ARHGAP17: variants seen among roughly 807,000 people sequenced by gnomAD.
The protein encoded by ARHGAP17 is rho GTPase-activating protein 17.
In ARHGAP17, 57 loss-of-function variants were observed where a neutral mutation model predicts 99.5. The ratio of observed to expected loss-of-function variants is 0.57; its 90% confidence interval spans 0.46 to 0.71. The LOEUF is 0.71. Among genes scored for constraint, ARHGAP17 ranks in the 30% least tolerant of loss-of-function variants. The probability of loss-of-function intolerance (pLI) is 0.00; values close to 1 mark genes in which losing one functional copy is unlikely to be tolerated. For synonymous variants in ARHGAP17, 417 were observed against 429.6 expected (o/e 0.97, Z 0.36); for missense variants, 1,000 against 1,122.4 (o/e 0.89, Z 1.56).
chr16:25,011,385 C>T (rs1039106625), intron 1 of ARHGAP17, among the ~76,000 whole-genome samples: 1 of 152,150 alleles, frequency 6.6e-6, no homozygotes, highest in African/African-American at 2.4e-5. Context: ...GTGGAAGTCT[C>T]CCAGTGGACA....
Position 24,931,336 on chromosome 16 carries a change from T to C in ARHGAP17, c.1963A>G (p.Ser655Gly). Reference sequence around the variant, plus strand: ...GGATGCTGAGATGTTCCTGAAGAACTCTGGCCCCCGGGGTGGCCAGGAGGT... The same window carrying C: ...GGATGCTGAGATGTTCCTGAAGAACCCTGGCCCCCGGGGTGGCCAGGAGGT... ...NPPPGHPGGQ[S>G]SSGTSQHPPS... Residue 655 changes from serine (S) to glycine (G), a missense_variant, in exon 19 of 20, where the codon AGT becomes GGT. Around this residue, in one of 2 missense-constraint regions of ARHGAP17, gnomAD observed 528 missense variants for 511.4 expected, o/e 1.03. Transcript: ENST00000289968. 2.0e-6 allele frequency: 3 copies of C among 1,511,236 alleles called. No homozygotes were observed. In the South Asian group the frequency reaches 4.0e-5, roughly 20 times the overall value. The allele number at this position is 1,511,236 out of a possible 1,614,324, so 93.6% of individuals were successfully genotyped here.
intron 1 of ARHGAP17, among the ~76,000 whole-genome samples, chr16:24,982,982 ATATATATATATATATTTTTT>A (rs1163584995): frequency 2.1e-3 from 67 of 32,662 alleles, no homozygotes; most frequent in African/African-American, 6.9e-3. Context: ...ATATATATAT[ATATATATATATATATTTTTT>A]TTTTTTTTTT....
intron 6 of ARHGAP17, among the ~76,000 whole-genome samples, chr16:24,966,179 C>T (rs865787585): frequency 1.3e-5 from 2 of 152,210 alleles, no homozygotes; most frequent in Admixed American, 6.5e-5. Context: ...GGGTGGCCTG[C>T]ACTCTCAGCT....
chr16:24,940,004 A>G (rs1002464689), intron 16 of ARHGAP17: 11 of 201,316 alleles, frequency 5.5e-5, no homozygotes, highest in African/African-American at 1.9e-4. Context: ...CTACAGTGCC[A>G]AACTCCTGGG....
chr16:24,974,797 T>G (rs1015774095), intron 3 of ARHGAP17, among the ~76,000 whole-genome samples: 42 of 152,228 alleles, frequency 2.8e-4, no homozygotes, highest in Admixed American at 3.9e-4. Context: ...TTTAAAATAT[T>G]CACAGAGAGA....
At chr16:24,946,343 T>C (rs965262991) in intron 14 of ARHGAP17, among the ~76,000 whole-genome samples, 2 of 151,794 alleles carry the variant, frequency 1.3e-5, no homozygotes, top group Admixed American at 6.6e-5. Context: ...GACATGCCCA[T>C]AAACGATGGA....
chr16:24,971,882 A>T (rs1597432536), intron 3 of ARHGAP17, among the ~76,000 whole-genome samples: 1 of 152,230 alleles, frequency 6.6e-6, no homozygotes, highest in East Asian at 1.9e-4. Context: ...CAGGAAAGTC[A>T]GACCTGAGTG....
chr16:24,977,367 T>C lies in ARHGAP17; in HGVS notation c.94-48A>G, dbSNP rs774712316. ...GAACAAATTCATCCTCTTTCTTTTG[T>C]GGTGTCTGCATGCTGGTAGGAAAAG... On this transcript the variant is annotated intron_variant, in intron 2 of 19. Coordinates refer to ENST00000289968, the MANE Select transcript of ARHGAP17 (RefSeq NM_001006634.3). The C allele has an allele frequency of 4.0e-6, 6 of 1,482,732 alleles. No individual in the cohort carries two copies. In the Admixed American group the frequency reaches 7.4e-5, roughly 18 times the overall value. 91.8% of individuals were successfully genotyped at this position (1,482,732 alleles called of 1,614,324 possible). A position where few individuals can be genotyped will look rare whatever the true frequency, so the allele number is the denominator to read the frequency against.
intron 1 of ARHGAP17, among the ~76,000 whole-genome samples, chr16:24,985,181 T>G (rs951809965): frequency 7.9e-6 from 1 of 125,830 alleles, no homozygotes; most frequent in Non-Finnish European, 1.6e-5. Flanking sequence ...CTATCCTAAA[T>G]GCAACCCCAC....
chr16:24,981,897 A>AT (rs2052684883), intron 1 of ARHGAP17, among the ~76,000 whole-genome samples: 1 of 152,072 alleles, frequency 6.6e-6, no homozygotes, highest in Admixed American at 6.5e-5. Flanking sequence ...ATTTCCAGCC[A>AT]TTTTTTTCAA....
At chr16:25,013,653 T>C (rs2053703443) in intron 1 of ARHGAP17, among the ~76,000 whole-genome samples, 1 of 150,468 alleles carries the variant, frequency 6.6e-6, no homozygotes, top group African/African-American at 2.4e-5. Context: ...GGGAGAAGCC[T>C]CTAAGATGAC....
chr16:24,994,109 CA>C lies in ARHGAP17; in HGVS notation c.54-15105del, dbSNP rs1357194881. ...GAAGTTCCATGCTTAGCGTGGTGCACAAAATGAAGAAAAAATAGTCACCTGG... is the reference window on the plus strand; with the variant it reads ...GAAGTTCCATGCTTAGCGTGGTGCACAAATGAAGAAAAAATAGTCACCTGG... On this transcript the variant is annotated intron_variant, in intron 1 of 19. Coordinates refer to ENST00000289968, the MANE Select transcript of ARHGAP17 (RefSeq NM_001006634.3). Among the ~76,000 whole-genome samples, 5 of 151,940 alleles carry C rather than the reference CA, an allele frequency of 3.3e-5. 1 individual carries two copies. The highest frequency in any genetic ancestry group is 7.4e-5 in the Non-Finnish European group (5 of 67,992).
intron 1 of ARHGAP17, among the ~76,000 whole-genome samples, chr16:24,994,650 G>A (rs534851993): frequency 3.4e-4 from 52 of 152,280 alleles, no homozygotes; most frequent in African/African-American, 1.3e-3. Flanking sequence ...TGCTTTGCAA[G>A]AACTGAACTC....
At chr16:24,949,068 T>G (rs2051556221) in intron 13 of ARHGAP17, 1 of 190,292 alleles carries the variant, frequency 5.3e-6, no homozygotes, top group Non-Finnish European at 1.1e-5. Context: ...AATTATTGAT[T>G]AATTTTGCCT....
intron 19 of ARHGAP17, chr16:24,929,683 A>T (rs2050931193): frequency 1.0e-6 from 1 of 986,766 alleles, no homozygotes; most frequent in South Asian, 4.7e-5. Context: ...AAAACAAACA[A>T]ACCAACATGG....
intron 1 of ARHGAP17, among the ~76,000 whole-genome samples, chr16:24,983,596 C>T (rs2052767760): frequency 6.6e-6 from 1 of 152,210 alleles, no homozygotes; most frequent in African/African-American, 2.4e-5. Context: ...TGCGCCCAGC[C>T]TAGATTGTTT....
Position 25,015,235 on chromosome 16 carries a change from C to A in ARHGAP17, c.27G>T (p.Lys9Asn). Reference protein sequence around the residue: MKKQFNRMKQLANQTVGRA... With the variant: MKKQFNRMNQLANQTVGRA... ...TGCCCACGGTCTGGTTAGCCAGCTG[C>A]TTCATGCGGTTGAACTGCTTCTTCA... Residue 9 changes from lysine (K) to asparagine (N), a missense_variant, in exon 1 of 20, where the codon AAG becomes AAT. Coordinates refer to ENST00000289968, the MANE Select transcript of ARHGAP17 (RefSeq NM_001006634.3). 7.3e-7 allele frequency: 1 copy of A among 1,363,074 alleles called. No homozygotes were observed. 84.4% of individuals were successfully genotyped at this position (1,363,074 alleles called of 1,614,324 possible). A position where few individuals can be genotyped will look rare whatever the true frequency, so the allele number is the denominator to read the frequency against.
chr16:24,951,259 T>G (rs2051636159), intron 12 of ARHGAP17, among the ~76,000 whole-genome samples: 1 of 152,216 alleles, frequency 6.6e-6, no homozygotes, highest in African/African-American at 2.4e-5. Context: ...GAATTCTAGC[T>G]CTGCCAATTA....
chr16:24,976,480 G>A (rs1252047433), intron 3 of ARHGAP17, among the ~76,000 whole-genome samples: 1 of 152,034 alleles, frequency 6.6e-6, no homozygotes, highest in Admixed American at 6.6e-5. Flanking sequence ...AGTGAGCTGT[G>A]ACTGTACTAC....
Sources: allele counts gnomAD v4.1 joint callset (sites outside exome capture counted in the v4.1 genomes callset), GRCh38; gene constraint gnomAD v4.1.1; regional missense constraint gnomAD v4.1.1; transcripts MANE v1.5; gene names NCBI Gene and HGNC (gene_info 2026-07-23, HGNC 2026-07-21).